Variants in ARL5B observed in about 807,000 individuals in gnomAD.
ARL5B encodes the protein ARF like GTPase 5B.
In ARL5B, 10 loss-of-function variants were observed where a neutral mutation model predicts 26.9. That is an observed-to-expected ratio of 0.37 (90% CI 0.23 to 0.63). The LOEUF is 0.63. Among genes scored for constraint, ARL5B ranks in the 30% least tolerant of loss-of-function variants. The pLI is 0.62. For synonymous variants in ARL5B, 87 were observed against 70.4 expected, an observed-to-expected ratio of 1.24 and a Z score of -1.18; for missense variants, 167 against 213.9, an observed-to-expected ratio of 0.78 and a Z score of 1.37.
At chr10:18,664,979 A>C (rs899121391) in intron 1 of ARL5B, among the ~76,000 whole-genome samples, 4 of 152,048 alleles carry the variant, frequency 2.6e-5, no homozygotes. Flanking sequence ...TCTGCCTTCA[A>C]GTTTTGCTTA....
At chr10:18,673,872 A>T in intron 4 of ARL5B, 112 bp from the exon 5 acceptor site, 1 of 877,530 alleles carries the variant, frequency 1.1e-6, no homozygotes, top group Non-Finnish European at 1.6e-6. Context: ...TTTTTATGTT[A>T]AATACTAGTG....
chr10:18,665,407 C>A (rs1235951832), intron 1 of ARL5B, among the ~76,000 whole-genome samples: 3 of 152,124 alleles, frequency 2.0e-5, no homozygotes, highest in Non-Finnish European at 4.4e-5. Flanking sequence ...CAGCTTCTAC[C>A]ATAGTGAAAA....
chr10:18,675,392 T>G lies in ARL5B; in HGVS notation c.*176T>G, dbSNP rs1012219294. On this transcript the variant is annotated 3_prime_UTR_variant, in exon 6 of 6. Transcript: ENST00000377275. ...ATAAAAGATTTTTTCTTAACTTTTT[T>G]TTTTTAACACACTAATCTTCAGTTG... is the stretch of plus-strand genomic sequence containing the variant. 2.2e-5 allele frequency: 13 copies of G among 585,636 alleles called. No individual in the cohort carries two copies. The highest frequency in any genetic ancestry group is 2.7e-5 in the Non-Finnish European group (9 of 330,752). 36.3% of individuals were successfully genotyped at this position (585,636 alleles called of 1,614,324 possible).
chr10:18,663,466 G>T (rs779076046), intron 1 of ARL5B, among the ~76,000 whole-genome samples: 1 of 150,854 alleles, frequency 6.6e-6, no homozygotes, highest in Admixed American at 6.6e-5. Flanking sequence ...TGCCAATTGC[G>T]TATGATTATT....
At chr10:18,675,065 T>G in intron 5 of ARL5B, 103 bp from the exon 6 acceptor site, 1 of 967,368 alleles carries the variant, frequency 1.0e-6, no homozygotes, top group Non-Finnish European at 1.6e-6. Flanking sequence ...ATATAAATAA[T>G]GATTGTGCTA....
chr10:18,673,914 A>G (rs1026008206), intron 4 of ARL5B, 70 bp from the exon 5 acceptor site: 1 of 1,429,064 alleles, frequency 7.0e-7, no homozygotes, highest in Non-Finnish European at 9.3e-7. Flanking sequence ...GCACTTCATT[A>G]TAACTGTTCA....
Position 18,677,007 on chromosome 10 carries a change from C to T in ARL5B, c.*1791C>T, listed in dbSNP as rs1361432053. ...ATCAAGAACATGAGCGAAAAGCAGACATAAATCGATATGGATGGTTTGTGG... is the reference window on the plus strand; with the variant it reads ...ATCAAGAACATGAGCGAAAAGCAGATATAAATCGATATGGATGGTTTGTGG... On this transcript the variant is annotated 3_prime_UTR_variant, in exon 6 of 6. Transcript: ENST00000377275. The T allele has an allele frequency of 6.6e-6, 1 of 152,184 alleles. No homozygotes were observed. Among genetic ancestry groups the T allele is most frequent in the Non-Finnish European group, 1.5e-5 (1 of 67,830 alleles). The allele number at this position is 152,184 out of a possible 1,614,324, so 9.4% of individuals were successfully genotyped here.
chr10:18,666,964 A>G (rs1263575347), intron 2 of ARL5B, among the ~76,000 whole-genome samples: 1 of 152,234 alleles, frequency 6.6e-6, no homozygotes, highest in African/African-American at 2.4e-5. Flanking sequence ...ATAAATTGAT[A>G]GCTCTAGGAA....
chr10:18,659,499 G>A lies in ARL5B; in HGVS notation c.-139G>A. 2 of 1,131,994 alleles carry A rather than the reference G, an allele frequency of 1.8e-6. No individual in the cohort carries two copies. Among genetic ancestry groups the A allele is most frequent in the South Asian group, 3.4e-5 (2 of 58,870 alleles). 70.1% of individuals were successfully genotyped at this position (1,131,994 alleles called of 1,614,324 possible). On this transcript the variant is annotated 5_prime_UTR_variant, in exon 1 of 6. Coordinates refer to ENST00000377275, the MANE Select transcript of ARL5B (RefSeq NM_178815.5). The stretch of plus-strand genomic sequence containing the variant: ...GCGCCTTCTGAGTGGTCGGGTCGAG[G>A]CTTCTCGGCCTAGCAGTGCCCTCGC...
chr10:18,672,744 A>G lies in ARL5B; in HGVS notation c.339+39A>G, dbSNP rs1332292293. 1.8e-5 allele frequency: 27 copies of G among 1,467,950 alleles called. No individual in the cohort carries two copies. In the Middle Eastern group the frequency reaches 6.9e-4, roughly 38 times the overall value. 90.9% of individuals were successfully genotyped at this position (1,467,950 alleles called of 1,614,324 possible). A position where few individuals can be genotyped will look rare whatever the true frequency, so the allele number is the denominator to read the frequency against. On this transcript the variant is annotated intron_variant, in intron 4 of 5. Coordinates refer to ENST00000377275, the MANE Select transcript of ARL5B (RefSeq NM_178815.5). ...GTAAATCTTTAAAAAACAGTGTAGTAAAGTATCTGTACGTTGCCTTTGCTT... is the reference window on the plus strand; with the variant it reads ...GTAAATCTTTAAAAAACAGTGTAGTGAAGTATCTGTACGTTGCCTTTGCTT...
intron 2 of ARL5B, among the ~76,000 whole-genome samples, 172 bp from the exon 3 acceptor site, chr10:18,668,358 G>A (rs1420506812): frequency 6.6e-6 from 1 of 151,716 alleles, no homozygotes; most frequent in Non-Finnish European, 1.5e-5. Flanking sequence ...CTTTCTTCTG[G>A]AGTTGTTATC....
In ARL5B at chr10:18,666,651, T is replaced by G. The variant is rs747075252; in HGVS notation, c.107+16T>G. ...TTTACCAATTGTAAGTATGGGTGTT[T>G]ATTAAACAGTTTTCACTAGTTATTG... is the stretch of plus-strand genomic sequence containing the variant. On this transcript the variant is annotated intron_variant, in intron 2 of 5. Transcript: ENST00000377275. 2 of 1,586,190 alleles carry G rather than the reference T, an allele frequency of 1.3e-6. No individual in the cohort carries two copies. Among genetic ancestry groups the G allele is most frequent in the South Asian group, 1.1e-5 (1 of 87,798 alleles).
intron 1 of ARL5B, among the ~76,000 whole-genome samples, chr10:18,665,477 G>A (rs930005244): frequency 6.6e-6 from 1 of 152,202 alleles, no homozygotes; most frequent in Non-Finnish European, 1.5e-5. Flanking sequence ...TATCTAGAGT[G>A]TGTAGGTCAT....
intron 1 of ARL5B, among the ~76,000 whole-genome samples, chr10:18,663,277 C>T (rs1348776902): frequency 6.6e-6 from 1 of 152,204 alleles, no homozygotes; most frequent in Non-Finnish European, 1.5e-5. Context: ...GCTGGGATTA[C>T]AGGCGTGAGC....
intron 1 of ARL5B, among the ~76,000 whole-genome samples, chr10:18,662,359 A>G (rs762114971): frequency 3.9e-5 from 6 of 152,226 alleles, no homozygotes; most frequent in African/African-American, 4.8e-5. Flanking sequence ...TGCGTCTTAT[A>G]AATTAGATAC....
chr10:18,673,129 C>A (rs1171743596), intron 4 of ARL5B, among the ~76,000 whole-genome samples: 1 of 151,920 alleles, frequency 6.6e-6, no homozygotes, highest in Non-Finnish European at 1.5e-5. Context: ...GTGGCGCGAT[C>A]TTGGCTCACT....
intron 2 of ARL5B, 89 bp downstream of exon 2, chr10:18,666,724 G>T: frequency 1.8e-6 from 2 of 1,124,642 alleles, no homozygotes; most frequent in Non-Finnish European, 2.5e-6. Flanking sequence ...AATAATGACG[G>T]AAAAACTTAA....
At position 18,659,439 on chromosome 10, in the gene ARL5B, C is replaced by G. The variant is rs1037856105; in HGVS notation, c.-199C>G. On this transcript the variant is annotated 5_prime_UTR_variant, in exon 1 of 6. Transcript: ENST00000377275. ...GGGTCGGCGTTGGGCTCAGTGGGCTCGAAACAAAGGGCTGTCCGGTGGGGA... is the reference window on the plus strand; with the variant it reads ...GGGTCGGCGTTGGGCTCAGTGGGCTGGAAACAAAGGGCTGTCCGGTGGGGA... 4 of 657,206 alleles carry G rather than the reference C, an allele frequency of 6.1e-6. No homozygotes were observed. The highest frequency in any genetic ancestry group is 9.7e-6 in the Non-Finnish European group (4 of 413,328). 40.7% of individuals were successfully genotyped at this position (657,206 alleles called of 1,614,324 possible). A position where few individuals can be genotyped will look rare whatever the true frequency, so the allele number is the denominator to read the frequency against.
intron 1 of ARL5B, among the ~76,000 whole-genome samples, chr10:18,666,373 G>C (rs780026122): frequency 6.6e-6 from 1 of 152,184 alleles, no homozygotes; most frequent in Non-Finnish European, 1.5e-5. Context: ...ATGAGAACTA[G>C]ACAGAGAATC....
Sources: allele counts gnomAD v4.1 joint callset (sites outside exome capture counted in the v4.1 genomes callset), GRCh38; gene constraint gnomAD v4.1.1; transcripts MANE v1.5; gene names NCBI Gene and HGNC (gene_info 2026-07-23, HGNC 2026-07-21).